PRKN: variants seen among roughly 807,000 people sequenced by gnomAD.
PRKN encodes the protein E3 ubiquitin-protein ligase parkin.
PRKN carries 56 observed loss-of-function variants against 59.5 expected under a neutral mutation model. That is an observed-to-expected ratio of 0.94 (90% CI 0.76 to 1.18). PRKN has a LOEUF of 1.18. PRKN is among the 50% of genes most tolerant of loss of function. The probability of loss-of-function intolerance (pLI) is 0.00; values close to 1 mark genes in which losing one functional copy is unlikely to be tolerated. For synonymous variants in PRKN, 250 were observed against 222.1 expected (o/e 1.13, Z -1.12); for missense variants, 657 against 596.4 (o/e 1.10, Z -1.06).
At chr6:162,159,191 A>C (rs1782654188) in intron 4 of PRKN, among the ~76,000 whole-genome samples, 1 of 150,752 alleles carries the variant, frequency 6.6e-6, no homozygotes, top group African/African-American at 2.5e-5. Flanking sequence ...TCTTATCGTA[A>C]ATACTGTTTT....
intron 1 of PRKN, among the ~76,000 whole-genome samples, chr6:162,690,409 C>G (rs1034886080): frequency 6.6e-6 from 1 of 152,170 alleles, no homozygotes; most frequent in Non-Finnish European, 1.5e-5. Context: ...GTTTACTGCT[C>G]GCTTCCTCTT....
At chr6:161,934,409 C>A (rs920542825) in intron 6 of PRKN, among the ~76,000 whole-genome samples, 6 of 152,116 alleles carry the variant, frequency 3.9e-5, no homozygotes, top group Non-Finnish European at 8.8e-5. Flanking sequence ...TACAAAGATA[C>A]ATCAACATCA....
intron 7 of PRKN, among the ~76,000 whole-genome samples, chr6:161,601,671 C>T: frequency 6.6e-6 from 1 of 151,786 alleles, no homozygotes. Context: ...CAAGCTCCGC[C>T]TCCCAGGTTC....
chr6:162,228,133 T>C (rs183043742), intron 3 of PRKN, among the ~76,000 whole-genome samples: 28 of 152,196 alleles, frequency 1.8e-4, no homozygotes, highest in South Asian at 4.1e-4. Flanking sequence ...ACAAGAGGGA[T>C]TGAACCACGT....
At chr6:162,041,352 T>G in intron 5 of PRKN, among the ~76,000 whole-genome samples, 1 of 152,190 alleles carries the variant, frequency 6.6e-6, no homozygotes, top group South Asian at 2.1e-4. Context: ...TGTAAACATT[T>G]GGACTCATGG....
chr6:161,696,150 A>T (rs1400100450), intron 7 of PRKN, among the ~76,000 whole-genome samples: 1 of 152,226 alleles, frequency 6.6e-6, no homozygotes, highest in Non-Finnish European at 1.5e-5. Flanking sequence ...GAGTCAGATG[A>T]CAATCAGTAG....
intron 2 of PRKN, among the ~76,000 whole-genome samples, chr6:162,313,880 T>C (rs1353303816): frequency 1.3e-5 from 2 of 152,128 alleles, no homozygotes; most frequent in African/African-American, 4.8e-5. Context: ...GCTGTGAACG[T>C]GGGTATGTAA....
chr6:162,036,626 C>T (rs1386018481), intron 5 of PRKN, among the ~76,000 whole-genome samples: 2 of 151,990 alleles, frequency 1.3e-5, no homozygotes, highest in East Asian at 2.0e-4. Context: ...AGTGATCCCC[C>T]TGCCTGGGCC....
intron 4 of PRKN, among the ~76,000 whole-genome samples, chr6:162,190,040 A>G (rs1402940134): frequency 6.6e-6 from 1 of 152,116 alleles, no homozygotes; most frequent in Non-Finnish European, 1.5e-5. Context: ...CAGAAATATA[A>G]TTCTTTGAAA....
intron 1 of PRKN, among the ~76,000 whole-genome samples, chr6:162,477,842 A>C (rs962251721): frequency 6.6e-6 from 1 of 152,182 alleles, no homozygotes; most frequent in Non-Finnish European, 1.5e-5. Context: ...TGGAAGGTCC[A>C]TTCAAATTAT....
chr6:161,573,901 T>G (rs1418047406), intron 7 of PRKN, among the ~76,000 whole-genome samples: 1 of 150,312 alleles, frequency 6.7e-6, no homozygotes, highest in African/African-American at 2.4e-5. Flanking sequence ...TAATCCTGCA[T>G]AAAATAAGAA....
chr6:162,034,458 G>A (rs1468053862), intron 5 of PRKN, among the ~76,000 whole-genome samples: 1 of 152,068 alleles, frequency 6.6e-6, no homozygotes, highest in African/African-American at 2.4e-5. Context: ...ACAATAGGTA[G>A]AGACAAGTAG....
chr6:161,642,805 T>C (rs1247110055), intron 7 of PRKN, among the ~76,000 whole-genome samples: 1 of 152,196 alleles, frequency 6.6e-6, no homozygotes, highest in Non-Finnish European at 1.5e-5. Context: ...ATGATGTAAA[T>C]GTGGTGGGTT....
At chr6:162,020,058 A>C (rs1783076916) in intron 5 of PRKN, among the ~76,000 whole-genome samples, 1 of 151,980 alleles carries the variant, frequency 6.6e-6, no homozygotes, top group South Asian at 2.1e-4. Flanking sequence ...GGTTTTGCTC[A>C]GCCTTGGTCT....
At chr6:162,595,348 C>T (rs962662962) in intron 1 of PRKN, among the ~76,000 whole-genome samples, 15 of 151,744 alleles carry the variant, frequency 9.9e-5, no homozygotes, top group African/African-American at 3.6e-4. Context: ...CTCCGCCTCC[C>T]GGGTTCAAGC....
intron 4 of PRKN, among the ~76,000 whole-genome samples, chr6:162,125,232 A>G (rs910119505): frequency 5.3e-5 from 8 of 152,130 alleles, no homozygotes; most frequent in Non-Finnish European, 1.0e-4. Flanking sequence ...CTGTCTCCAC[A>G]TGCTTCAGAA....
intron 2 of PRKN, among the ~76,000 whole-genome samples, chr6:162,439,409 T>C (rs545852494): frequency 1.3e-5 from 2 of 151,216 alleles, no homozygotes; most frequent in African/African-American, 4.9e-5. Context: ...TCTTTTCTTT[T>C]TGTCTATATA....
intron 3 of PRKN, among the ~76,000 whole-genome samples, chr6:162,206,344 G>A (rs1378483549): frequency 6.6e-6 from 1 of 152,136 alleles, no homozygotes; most frequent in Non-Finnish European, 1.5e-5. Context: ...AGTAGCCAGT[G>A]CAGTCTCATC....
intron 6 of PRKN, among the ~76,000 whole-genome samples, chr6:161,884,793 G>A (rs1418929293): frequency 1.4e-5 from 2 of 146,758 alleles, no homozygotes; most frequent in Admixed American, 1.4e-4. Flanking sequence ...TATATGAAAT[G>A]TACATTTATT....
Sources: gnomAD v4.1 joint callset for allele counts (sites outside exome capture counted in the v4.1 genomes callset) on GRCh38, gnomAD v4.1.1 for gene constraint, MANE v1.5 for transcripts, NCBI Gene and HGNC (gene_info 2026-07-23, HGNC 2026-07-21) for gene names.